Variants in ERI1 observed in about 807,000 individuals in gnomAD.
ERI1 encodes exoribonuclease 1.
A neutral mutation model predicts 39.7 loss-of-function variants in ERI1; 39 were observed. That is an observed-to-expected ratio of 0.98 (90% CI 0.76 to 1.28). ERI1 has a LOEUF of 1.28. ERI1 is among the 50% of genes most tolerant of loss of function. The pLI is 0.00. For synonymous variants in ERI1, 204 were observed against 149.6 expected (o/e 1.36, Z -2.65); for missense variants, 581 against 416.9 (o/e 1.39, Z -3.43).
chr8:9,006,998 G>A (rs1310397600), intron 1 of ERI1, among the ~76,000 whole-genome samples: 1 of 152,172 alleles, frequency 6.6e-6, no homozygotes, highest in African/African-American at 2.4e-5. Context: ...AAGGTAACAA[G>A]CTTTAATAGG....
At chr8:9,036,821 G>C (rs1797858919), downstream of ERI1, among the ~76,000 whole-genome samples, 1 of 152,152 alleles carries the variant, frequency 6.6e-6, no homozygotes, top group Admixed American at 6.5e-5. Flanking sequence ...CCTTCCCCTT[G>C]AAGTGTCCAT....
chr8:9,051,194 G>C (rs1798343970), intron 3 of ERI1, among the ~76,000 whole-genome samples: 2 of 151,420 alleles, frequency 1.3e-5, no homozygotes, highest in South Asian at 4.2e-4. Context: ...ATATGAAAAG[G>C]AGTTTATTTC....
Position 9,017,511 on chromosome 8 carries a change from C to T in ERI1, c.583-786C>T, listed in dbSNP as rs561265889. ...TATAGACGTATGTCTGTGCAGTGGT[C>T]ACAGTAGGCCTAATAAGTCAGTGTT... On this transcript the variant is annotated intron_variant, in intron 4 of 6. Transcript: ENST00000250263. Among the ~76,000 whole-genome samples the T allele has an allele frequency of 5.5e-4, 83 of 152,210 alleles. 2 individuals carry two copies. The highest frequency in any genetic ancestry group is 7.7e-4 in the East Asian group (4 of 5,186).
At chr8:9,083,004 G>T (rs997431060) in intron 3 of ERI1, among the ~76,000 whole-genome samples, 1 of 152,024 alleles carries the variant, frequency 6.6e-6, no homozygotes, top group Non-Finnish European at 1.5e-5. Flanking sequence ...TTTAACATAG[G>T]CATTTCCTCA....
At chr8:9,024,667 G>GC (rs566103794) in intron 6 of ERI1, among the ~76,000 whole-genome samples, 207 of 151,980 alleles carry the variant, frequency 1.4e-3, no homozygotes, top group Middle Eastern at 6.8e-3. Context: ...CAAATGATCT[G>GC]CCCCCCCTCG....
intron 3 of ERI1, among the ~76,000 whole-genome samples, chr8:9,070,639 C>G (rs764448425): frequency 6.6e-6 from 1 of 152,224 alleles, no homozygotes; most frequent in Non-Finnish European, 1.5e-5. Flanking sequence ...TGAACACACA[C>G]AGGAGTCATT....
chr8:9,099,126 C>T (rs1799971036), intron 3 of ERI1, among the ~76,000 whole-genome samples: 1 of 152,140 alleles, frequency 6.6e-6, no homozygotes, highest in Admixed American at 6.5e-5. Flanking sequence ...TGAGCCACCA[C>T]ACCCGGCCAC....
chr8:9,052,118 G>C (rs6985908), intron 3 of ERI1, among the ~76,000 whole-genome samples: 22,227 of 152,166 alleles, frequency 0.15, 1,801 homozygotes, highest in African/African-American at 0.19. Context: ...AGCCGTTATT[G>C]TACTGACCCT....
Position 9,095,936 on chromosome 8 carries a change from T to G in ERI1, n.300-20412T>G, listed in dbSNP as rs545337075. 2.0e-5 allele frequency among the ~76,000 whole-genome samples: 3 copies of G among 152,324 alleles called. No homozygotes were observed. In the South Asian group the frequency reaches 6.2e-4, roughly 32 times the overall value. ...AAATGTTTCGGGAGCCCTCGCCGCC[T>G]AGCTGCAGGGCACTGGGTCATCTGG... On this transcript the variant is annotated intron_variant and non_coding_transcript_variant, in intron 3 of 3. Transcript: ENST00000518663.
At chr8:9,064,234 AGG>A (rs56331771) in intron 3 of ERI1, among the ~76,000 whole-genome samples, 148,160 of 148,266 alleles carry the variant, frequency 1, 74,027 homozygotes, top group Middle Eastern at 1. Context: ...GTGAAGGAGA[AGG>A]GGGGTTGGGG....
intron 3 of ERI1, among the ~76,000 whole-genome samples, chr8:9,090,569 G>A (rs1294577951): frequency 5.3e-5 from 8 of 152,144 alleles, no homozygotes; most frequent in Middle Eastern, 3.2e-3. Context: ...AGGAGTATTC[G>A]TTTTTAAATG....
chr8:9,052,929 T>C (rs941394484), intron 3 of ERI1, among the ~76,000 whole-genome samples: 11 of 152,318 alleles, frequency 7.2e-5, no homozygotes, highest in African/African-American at 2.6e-4. Flanking sequence ...TTGGAACTTT[T>C]GGCTCCACCC....
At chr8:9,016,052 A>G (rs1213466763) in intron 3 of ERI1, among the ~76,000 whole-genome samples, 1 of 152,154 alleles carries the variant, frequency 6.6e-6, no homozygotes, top group African/African-American at 2.4e-5. Flanking sequence ...AATTATTAAT[A>G]TTTTGTTCCT....
chr8:9,070,834 G>T (rs918654496), intron 3 of ERI1, among the ~76,000 whole-genome samples: 4 of 152,204 alleles, frequency 2.6e-5, no homozygotes, highest in African/African-American at 7.2e-5. Context: ...GGATGAATTA[G>T]TTTGAAATCT....
chr8:9,024,899 C>T (rs958639209), intron 6 of ERI1, among the ~76,000 whole-genome samples: 1 of 151,544 alleles, frequency 6.6e-6, no homozygotes, highest in Admixed American at 6.6e-5. Flanking sequence ...TTCTTTTTCT[C>T]AGGAAATTAG....
At chr8:9,067,617 T>C (rs1798921867) in intron 3 of ERI1, among the ~76,000 whole-genome samples, 1 of 147,290 alleles carries the variant, frequency 6.8e-6, no homozygotes, top group East Asian at 2.0e-4. Context: ...ATCGCACCAC[T>C]GCACTCCAGG....
intron 1 of ERI1, among the ~76,000 whole-genome samples, chr8:9,005,680 G>T (rs1243289276): frequency 6.7e-6 from 1 of 148,212 alleles, no homozygotes; most frequent in East Asian, 2.0e-4. Flanking sequence ...CTAATTTTTT[G>T]TATTTTTAGT....
At position 9,082,585 on chromosome 8, in the gene ERI1, T is replaced by C. The variant is rs144082187; in HGVS notation, n.300-33763T>C. Reference sequence around the variant, plus strand: ...TCTGTACTTCTTGGGGGTCTTAATCTCTGCTGTGTTGAAAGGATATTGAAA... The same window carrying C: ...TCTGTACTTCTTGGGGGTCTTAATCCCTGCTGTGTTGAAAGGATATTGAAA... On this transcript the variant is annotated intron_variant and non_coding_transcript_variant, in intron 3 of 3. Coordinates refer to the ERI1 transcript ENST00000518663. Among the ~76,000 whole-genome samples the C allele has an allele frequency of 5.5e-4, 83 of 152,288 alleles. 1 individual carries two copies. The East Asian group carries it at 0.013, about 24-fold the overall frequency.
downstream of ERI1, among the ~76,000 whole-genome samples, chr8:9,037,924 C>G (rs1373965835): frequency 3.4e-5 from 5 of 147,136 alleles, no homozygotes; most frequent in African/African-American, 1.2e-4. Flanking sequence ...CTCCAAGTAT[C>G]TTTGGCCTTG....
Sources: allele counts gnomAD v4.1 joint callset (sites outside exome capture counted in the v4.1 genomes callset), GRCh38; gene constraint gnomAD v4.1.1; transcripts MANE v1.5; gene names NCBI Gene and HGNC (gene_info 2026-07-23, HGNC 2026-07-21).